TAFA1: variants seen among roughly 807,000 people sequenced by gnomAD.
TAFA1 encodes the protein chemokine-like protein TAFA-1.
In TAFA1, 4 loss-of-function variants were observed where a neutral mutation model predicts 18.5. That is an observed-to-expected ratio of 0.22 (90% confidence interval 0.11 to 0.49). The LOEUF is 0.49. TAFA1 is among the 20% of genes least tolerant of loss of function. TAFA1 has a pLI of 0.98. For missense variants in TAFA1, 147 were observed against 169.0 expected (o/e 0.87, Z 0.72); for synonymous variants, 56 against 55.2 (o/e 1.01, Z -0.06).
chr3:68,137,241 T>G (rs1386982867), intron 2 of TAFA1, among the ~76,000 whole-genome samples: 1 of 151,834 alleles, frequency 6.6e-6, no homozygotes, highest in Non-Finnish European at 1.5e-5. Context: ...ATAGATGTCC[T>G]GCTTTTTTTT....
intron 2 of TAFA1, among the ~76,000 whole-genome samples, chr3:68,230,487 T>A (rs113752680): frequency 6.2e-4 from 95 of 152,348 alleles, no homozygotes; most frequent in African/African-American, 1.9e-3. Flanking sequence ...TTTCATTGTG[T>A]ATATGTACCA....
chr3:68,288,270 C>T (rs1166239005), intron 2 of TAFA1, among the ~76,000 whole-genome samples: 1 of 152,186 alleles, frequency 6.6e-6, no homozygotes, highest in Non-Finnish European at 1.5e-5. Flanking sequence ...ACGTGGATCC[C>T]TGACATTGCC....
intron 2 of TAFA1, among the ~76,000 whole-genome samples, chr3:68,277,898 G>C (rs1163888979): frequency 6.6e-6 from 1 of 152,090 alleles, no homozygotes; most frequent in Non-Finnish European, 1.5e-5. Flanking sequence ...AAGTCATTTA[G>C]AAATAATTGT....
At chr3:68,325,176 C>T (rs529157218) in intron 2 of TAFA1, among the ~76,000 whole-genome samples, 3 of 152,172 alleles carry the variant, frequency 2.0e-5, no homozygotes, top group African/African-American at 7.2e-5. Flanking sequence ...CCTGTTTGTC[C>T]CTTACTAGTT....
chr3:68,102,671 G>C (rs371403244), intron 2 of TAFA1, among the ~76,000 whole-genome samples: 1 of 152,206 alleles, frequency 6.6e-6, no homozygotes, highest in South Asian at 2.1e-4. Flanking sequence ...AAAGATGCCT[G>C]AACTTGCAGG....
intron 4 of TAFA1, among the ~76,000 whole-genome samples, chr3:68,541,434 A>G (rs561963173): frequency 2.0e-4 from 31 of 152,280 alleles, no homozygotes; most frequent in African/African-American, 7.0e-4. Flanking sequence ...TTTCTTCTAC[A>G]TCTTATGTAT....
chr3:68,371,710 G>A (rs2069710380), intron 2 of TAFA1, among the ~76,000 whole-genome samples: 1 of 152,152 alleles, frequency 6.6e-6, no homozygotes, highest in Admixed American at 6.5e-5. Context: ...TAAAATGTGT[G>A]AAATCACCTA....
intron 2 of TAFA1, among the ~76,000 whole-genome samples, chr3:68,417,055 A>G (rs575227037): frequency 6.6e-6 from 1 of 152,190 alleles, no homozygotes; most frequent in Non-Finnish European, 1.5e-5. Context: ...CAGAATTGCC[A>G]CATCTTGAGG....
At chr3:68,410,161 T>C (rs551947141) in intron 2 of TAFA1, among the ~76,000 whole-genome samples, 1 of 152,298 alleles carries the variant, frequency 6.6e-6, no homozygotes, top group African/African-American at 2.4e-5. Flanking sequence ...TTAGAAACTT[T>C]CTTTTCCTGT....
At chr3:68,265,697 G>T (rs2067528089) in intron 2 of TAFA1, among the ~76,000 whole-genome samples, 1 of 152,150 alleles carries the variant, frequency 6.6e-6, no homozygotes, top group Non-Finnish European at 1.5e-5. Context: ...GTCTTGCTGA[G>T]GCTCATTACA....
At chr3:68,018,504 C>T (rs1179057020) in intron 2 of TAFA1, among the ~76,000 whole-genome samples, 2 of 152,112 alleles carry the variant, frequency 1.3e-5, no homozygotes, top group Admixed American at 1.3e-4. Flanking sequence ...TTTATTGCAC[C>T]TCCTAGGGGC....
At chr3:68,069,660 T>A (rs2064727155) in intron 2 of TAFA1, among the ~76,000 whole-genome samples, 1 of 152,190 alleles carries the variant, frequency 6.6e-6, no homozygotes, top group Admixed American at 6.5e-5. Flanking sequence ...ACAAGGCAAG[T>A]CCCTTCTGCC....
At chr3:68,494,242 C>G (rs1036051445) in intron 3 of TAFA1, among the ~76,000 whole-genome samples, 4 of 152,186 alleles carry the variant, frequency 2.6e-5, no homozygotes, top group Non-Finnish European at 5.9e-5. Context: ...GCTGGGATTA[C>G]AGGTGCACAT....
intron 2 of TAFA1, among the ~76,000 whole-genome samples, chr3:68,087,162 T>C (rs570733108): frequency 2.0e-5 from 3 of 152,196 alleles, no homozygotes; most frequent in Non-Finnish European, 4.4e-5. Flanking sequence ...AGGAATAGAA[T>C]CTAATTTATA....
rs1195932461 is a variant in TAFA1, at chr3:68,371,385, A to G, written c.119-45895A>G. Among the ~76,000 whole-genome samples the G allele has an allele frequency of 4.0e-5, 6 of 150,682 alleles. No individual in the cohort carries two copies. In the South Asian group the frequency reaches 1.3e-3, roughly 32 times the overall value. On this transcript the variant is annotated intron_variant, in intron 2 of 4. Transcript: ENST00000478136. ...AATGCTCTCTCTCCCCTTGCCCCCAACCCCCAACGGGCCCCAGTGTGTGAT... is the reference window on the plus strand; with the variant it reads ...AATGCTCTCTCTCCCCTTGCCCCCAGCCCCCAACGGGCCCCAGTGTGTGAT...
intron 3 of TAFA1, among the ~76,000 whole-genome samples, chr3:68,468,929 A>G (rs2071939715): frequency 6.6e-6 from 1 of 152,190 alleles, no homozygotes; most frequent in South Asian, 2.1e-4. Flanking sequence ...TAAGACATAA[A>G]TTCCACGAGG....
At chr3:68,016,518 A>G (rs931929088) in intron 2 of TAFA1, among the ~76,000 whole-genome samples, 2 of 152,206 alleles carry the variant, frequency 1.3e-5, no homozygotes, top group African/African-American at 2.4e-5. Context: ...ACAATTTCCT[A>G]CAACATTCTG....
intron 4 of TAFA1, among the ~76,000 whole-genome samples, chr3:68,541,107 A>G (rs1012109276): frequency 6.6e-6 from 1 of 152,172 alleles, no homozygotes; most frequent in Non-Finnish European, 1.5e-5. Context: ...CAAGCAAGGA[A>G]ATAGGAGGCC....
intron 3 of TAFA1, among the ~76,000 whole-genome samples, chr3:68,515,967 T>C (rs973525336): frequency 1.3e-4 from 20 of 152,244 alleles, no homozygotes; most frequent in African/African-American, 4.8e-4. Context: ...CAAGCATTAT[T>C]TGCAGGCTGC....
Sources: allele counts gnomAD v4.1 joint callset (sites outside exome capture counted in the v4.1 genomes callset), GRCh38; gene constraint gnomAD v4.1.1; transcripts MANE v1.5; gene names NCBI Gene and HGNC (gene_info 2026-07-23, HGNC 2026-07-21).